Variants in PPIL6 observed in about 807,000 individuals in gnomAD.
PPIL6 encodes probable inactive peptidyl-prolyl cis-trans isomerase-like 6.
PPIL6 carries 39 observed loss-of-function variants against 36.8 expected under a neutral mutation model. That is an observed-to-expected ratio of 1.06 (90% confidence interval 0.82 to 1.38). The LOEUF (loss-of-function observed/expected upper bound fraction) is 1.38, where lower values mean the gene tolerates loss of function less well. PPIL6 is among the 40% of genes most tolerant of loss of function. The pLI is 0.00. For synonymous variants in PPIL6, 123 were observed against 134.1 expected (o/e 0.92, Z 0.57); for missense variants, 368 against 379.1 (o/e 0.97, Z 0.24).
chr6:109,439,248 TG>T (rs1774644267), intron 1 of PPIL6, among the ~76,000 whole-genome samples: 1 of 152,230 alleles, frequency 6.6e-6, no homozygotes. Flanking sequence ...CCATTAACTT[TG>T]GTAATAAAAG....
intron 5 of PPIL6, among the ~76,000 whole-genome samples, chr6:109,425,749 CAA>C (rs34275471): frequency 0.29 from 29,983 of 103,500 alleles, 2,829 homozygotes; most frequent in Non-Finnish European, 0.34. Context: ...GACTCCGTTT[CAA>C]AAAAAAAAAA....
At chr6:109,425,732 A>C (rs1244345268) in intron 5 of PPIL6, among the ~76,000 whole-genome samples, 1 of 147,096 alleles carries the variant, frequency 6.8e-6, no homozygotes, top group Non-Finnish European at 1.5e-5. Context: ...CCTGGGCGAC[A>C]GAGCGAGACT....
intron 6 of PPIL6, among the ~76,000 whole-genome samples, chr6:109,411,543 C>T (rs1206347609): frequency 6.6e-6 from 1 of 152,210 alleles, no homozygotes; most frequent in African/African-American, 2.4e-5. Context: ...ATAACCAGGG[C>T]ACTGACCCCA....
At chr6:109,437,712 G>A (rs1305070873) in intron 1 of PPIL6, among the ~76,000 whole-genome samples, 1 of 151,786 alleles carries the variant, frequency 6.6e-6, no homozygotes, top group Non-Finnish European at 1.5e-5. Flanking sequence ...CCGCCACCAC[G>A]CCCAGCTAAT....
In PPIL6 at chr6:109,402,958, C is replaced by T. The variant is rs897543111; in HGVS notation, c.689-2788G>A. 4.2e-5 allele frequency: 41 copies of T among 972,086 alleles called. No homozygotes were observed. In the African/African-American group the frequency reaches 6.0e-4, roughly 14 times the overall value. The allele number at this position is 972,086 out of a possible 1,614,324, so 60.2% of individuals were successfully genotyped here. A position where few individuals can be genotyped will look rare whatever the true frequency, so the allele number is the denominator to read the frequency against. On this transcript the variant is annotated intron_variant, in intron 6 of 7. Transcript: ENST00000521072. ...CTAGCTTTGCAGACATAAAGTATTA[C>T]AAGACAAGGGTAATTTACGTGTTAT...
At position 109,420,665 on chromosome 6, in the gene PPIL6, T is replaced by C. The variant is rs532769097; in HGVS notation, c.632-1422A>G. 7.9e-5 allele frequency among the ~76,000 whole-genome samples: 12 copies of C among 152,354 alleles called. No individual in the cohort carries two copies. The South Asian group carries it at 2.5e-3, about 32-fold the overall frequency. ...CTCCCCCATCCTCCCCATCAGTATCTGTCTACTAACTTCAGCTCTATTCTG... is the reference window on the plus strand; with the variant it reads ...CTCCCCCATCCTCCCCATCAGTATCCGTCTACTAACTTCAGCTCTATTCTG... On this transcript the variant is annotated intron_variant, in intron 5 of 7. Coordinates refer to ENST00000521072, the MANE Select transcript of PPIL6 (RefSeq NM_173672.5).
intron 2 of PPIL6, among the ~76,000 whole-genome samples, chr6:109,431,573 G>C (rs989248106): frequency 1.3e-5 from 2 of 152,052 alleles, no homozygotes; most frequent in African/African-American, 4.8e-5. Context: ...GATCTAAAAA[G>C]TATCATAAAA....
chr6:109,402,888 A>G, intron 6 of PPIL6: 1 of 573,700 alleles, frequency 1.7e-6, no homozygotes, highest in Non-Finnish European at 2.9e-6. Context: ...TATGCATCAA[A>G]TAAAATGATG....
intron 6 of PPIL6, among the ~76,000 whole-genome samples, chr6:109,416,324 T>C (rs1158878623): frequency 6.6e-6 from 1 of 151,000 alleles, no homozygotes; most frequent in Non-Finnish European, 1.5e-5. Context: ...TGCCTCAGTC[T>C]CCCAAGTAGC....
At position 109,392,863 on chromosome 6, in the gene PPIL6, A is replaced by C. The variant is rs775997628; in HGVS notation, c.899T>G (p.Met300Arg). 11 of 1,603,768 alleles carry C rather than the reference A, an allele frequency of 6.9e-6. No homozygotes were observed. The highest frequency in any genetic ancestry group is 3.3e-4 in the Middle Eastern group (2 of 6,058). The change falls in exon 8 of 8, where the codon ATG (methionine) becomes AGG (arginine). Residue 300 changes from methionine to arginine, a missense_variant. Transcript: ENST00000521072. ...VPTQNERPIH[M>R]CRITDSGDPY... The stretch of plus-strand genomic sequence containing the variant: ...ATCTCCACTGTCAGTAATTCTACAC[A>C]TATGTATTGGTCTTTCATTCTGTGT...
intron 7 of PPIL6, among the ~76,000 whole-genome samples, 171 bp downstream of exon 7, chr6:109,399,864 C>A (rs140088337): frequency 6.6e-6 from 1 of 152,182 alleles, no homozygotes; most frequent in Non-Finnish European, 1.5e-5. Context: ...TTATAGATAG[C>A]AAACTTCTTG....
At position 109,392,671 on chromosome 6, in the gene PPIL6, A is replaced by T; in HGVS notation, c.*155T>A. 1 of 574,372 alleles carries T rather than the reference A, an allele frequency of 1.7e-6. No homozygotes were observed. The highest frequency in any genetic ancestry group is 3.1e-6 in the Non-Finnish European group (1 of 326,480). 35.6% of individuals were successfully genotyped at this position (574,372 alleles called of 1,614,324 possible). ...CACAGTCTCTATGACAGAGACAGGA[A>T]AGGAAGATGGGGAGGGATTGGGTGT... is the stretch of plus-strand genomic sequence containing the variant. On this transcript the variant is annotated 3_prime_UTR_variant, in exon 8 of 8. Coordinates refer to ENST00000521072, the MANE Select transcript of PPIL6 (RefSeq NM_173672.5).
At chr6:109,432,501 C>T (rs57767615) in intron 2 of PPIL6, among the ~76,000 whole-genome samples, 12,473 of 152,140 alleles carry the variant, frequency 0.082, 1,366 homozygotes, top group African/African-American at 0.25. Context: ...CTCAAACTTT[C>T]GTGGGCAATG....
upstream of PPIL6, chr6:109,441,138 C>T: frequency 6.2e-7 from 1 of 1,614,180 alleles, no homozygotes; most frequent in South Asian, 1.1e-5. Context: ...CCCAACTTCT[C>T]CCTGCGACTG....
Position 109,433,774 on chromosome 6 carries a change from G to A in PPIL6, c.231+2330C>T, listed in dbSNP as rs116130007. ...GGACAAGGGACTACCTGAGAAGGAA[G>A]AAAAGGTTAAGGTAACAAACAGCCA... On this transcript the variant is annotated intron_variant, in intron 2 of 7. Coordinates refer to ENST00000521072, the MANE Select transcript of PPIL6 (RefSeq NM_173672.5). Among the ~76,000 whole-genome samples, 521 of 152,300 alleles carry A rather than the reference G, an allele frequency of 3.4e-3. 2 individuals are homozygous for A. Among genetic ancestry groups the A allele is most frequent in the African/African-American group, 0.012 (492 of 41,554 alleles).
At chr6:109,401,484 A>G (rs1235584528) in intron 6 of PPIL6, among the ~76,000 whole-genome samples, 1 of 152,206 alleles carries the variant, frequency 6.6e-6, no homozygotes, top group Non-Finnish European at 1.5e-5. Context: ...TTAAGTTTCA[A>G]AACTAAGCAA....
chr6:109,427,189 G>A (rs12204742), intron 3 of PPIL6, 33 bp from the exon 4 acceptor site: 74,070 of 1,518,610 alleles, frequency 0.049, 3,270 homozygotes, highest in East Asian at 0.2. Flanking sequence ...TATAATGCAG[G>A]TCAAAGTCTT....
intron 7 of PPIL6, among the ~76,000 whole-genome samples, chr6:109,399,094 T>TTTTA (rs58404867): frequency 0.014 from 2,070 of 148,364 alleles, 18 homozygotes; most frequent in Middle Eastern, 0.041. Context: ...CCCAGCTAAT[T>TTTTA]TTTATTTATT....
At chr6:109,426,498 T>C (rs1773820896) in intron 5 of PPIL6, among the ~76,000 whole-genome samples, 1 of 148,346 alleles carries the variant, frequency 6.7e-6, no homozygotes, top group African/African-American at 2.7e-5. Flanking sequence ...ATTCCCACTC[T>C]TAGCATACTT....
Sources: allele counts gnomAD v4.1 joint callset (sites outside exome capture counted in the v4.1 genomes callset), GRCh38; gene constraint gnomAD v4.1.1; transcripts MANE v1.5; gene names NCBI Gene and HGNC (gene_info 2026-07-23, HGNC 2026-07-21).